The following UPK1B variants were observed in gnomAD, a reference collection of about 807,000 sequenced individuals.
UPK1B encodes the protein uroplakin-1b.
A neutral mutation model predicts 34.2 loss-of-function variants in UPK1B; 28 were observed. The observed-to-expected ratio is 0.82, with a 90% CI of 0.61 to 1.12. The LOEUF (loss-of-function observed/expected upper bound fraction) is 1.12, where lower values mean the gene tolerates loss of function less well. Ranked by LOEUF, UPK1B falls within the 50% of genes most tolerant of loss-of-function variation. The pLI is 0.00. For missense variants in UPK1B, 325 were observed against 320.9 expected (o/e 1.01, Z -0.10); for synonymous variants, 81 against 110.4 (o/e 0.73, Z 1.67).
chr3:119,178,041 G>C (rs1169111928), intron 1 of UPK1B, among the ~76,000 whole-genome samples: 2 of 142,420 alleles, frequency 1.4e-5, no homozygotes, highest in South Asian at 4.9e-4. Flanking sequence ...CAAAGACAGG[G>C]ACACCCTAAG....
intron 1 of UPK1B, among the ~76,000 whole-genome samples, chr3:119,182,414 C>A (rs2077993714): frequency 6.6e-6 from 1 of 152,192 alleles, no homozygotes; most frequent in South Asian, 2.1e-4. Flanking sequence ...TAAATATCCT[C>A]TGGTTATAAT....
intron 3 of UPK1B, among the ~76,000 whole-genome samples, 173 bp downstream of exon 3, chr3:119,188,148 C>T (rs1044460020): frequency 6.6e-6 from 1 of 152,068 alleles, no homozygotes; most frequent in African/African-American, 2.4e-5. Flanking sequence ...GCAAAGATGC[C>T]CTCCACTATT....
At chr3:119,196,616 TG>T (rs2078068833) in intron 6 of UPK1B, among the ~76,000 whole-genome samples, 1 of 148,932 alleles carries the variant, frequency 6.7e-6, no homozygotes, top group Non-Finnish European at 1.5e-5. Flanking sequence ...CTCGGCTCAC[TG>T]CAACCTCCAC....
At chr3:119,175,304 G>A (rs1313555625) in intron 1 of UPK1B, among the ~76,000 whole-genome samples, 4 of 151,904 alleles carry the variant, frequency 2.6e-5, no homozygotes, top group African/African-American at 4.8e-5. Context: ...TGAGATTACA[G>A]GCTTGAGCCA....
chr3:119,204,113 G>A lies in UPK1B; in HGVS notation c.*146G>A, dbSNP rs747992285. 3 of 851,842 alleles carry A rather than the reference G, an allele frequency of 3.5e-6. No homozygotes were observed. Among genetic ancestry groups the A allele is most frequent in the Non-Finnish European group, 5.5e-6 (3 of 542,016 alleles). 52.8% of individuals were successfully genotyped at this position (851,842 alleles called of 1,614,324 possible). A position where few individuals can be genotyped will look rare whatever the true frequency, so the allele number is the denominator to read the frequency against. On this transcript the variant is annotated 3_prime_UTR_variant, in exon 8 of 8. Coordinates refer to ENST00000264234, the MANE Select transcript of UPK1B (RefSeq NM_006952.4). ...AGTCAGATGGTACGGACTTCCTTTA[G>A]GATCTCAGGCTTCTGCAGTTCTCAT...
chr3:119,188,073 AG>A, intron 3 of UPK1B, 98 bp downstream of exon 3: 2 of 1,287,026 alleles, frequency 1.6e-6, no homozygotes, highest in Non-Finnish European at 1.1e-6. Context: ...GTGGGGGAGC[AG>A]GAAGTACCAG....
chr3:119,174,788 T>C (rs924972410), intron 1 of UPK1B, among the ~76,000 whole-genome samples: 1 of 152,034 alleles, frequency 6.6e-6, no homozygotes, highest in Non-Finnish European at 1.5e-5. Context: ...GGATTTTCTT[T>C]TTATTAACCT....
chr3:119,192,667 T>C (rs149305541), intron 5 of UPK1B, among the ~76,000 whole-genome samples: 19 of 152,300 alleles, frequency 1.2e-4, no homozygotes, highest in African/African-American at 4.3e-4. Flanking sequence ...TCTACATTGA[T>C]ATACACCTGT....
intron 7 of UPK1B, 69 bp from the exon 8 acceptor site, chr3:119,203,848 C>T: frequency 2.6e-6 from 4 of 1,527,694 alleles, no homozygotes; most frequent in Non-Finnish European, 3.6e-6. Context: ...CTAACATCCA[C>T]TTTTTCCAAG....
In UPK1B at chr3:119,191,012, C is replaced by A. The variant is rs1366757799; in HGVS notation, c.376C>A (p.Leu126Ile). 6.2e-7 allele frequency: 1 copy of A among 1,613,888 alleles called. No homozygotes were observed. Among genetic ancestry groups the A allele is most frequent in the Admixed American group, 1.7e-5 (1 of 60,008 alleles). The part of the protein sequence containing the change: ...FTPNLFLKQM[L>I]ERYQNNSPPN... Reference sequence around the variant, plus strand: ...ACCCAACCTCTTCCTGAAGCAGATGCTAGAGAGGTACCAAAACAACAGCCC... The same window carrying A: ...ACCCAACCTCTTCCTGAAGCAGATGATAGAGAGGTACCAAAACAACAGCCC... The change falls in exon 5 of 8, where the codon CTA becomes ATA. Residue 126 changes from leucine (L) to isoleucine (I), a missense_variant. Transcript: ENST00000264234.
intron 3 of UPK1B, among the ~76,000 whole-genome samples, chr3:119,188,775 C>G (rs4450805): frequency 0.69 from 105,562 of 152,120 alleles, 39,394 homozygotes; most frequent in Non-Finnish European, 0.84. Flanking sequence ...AACACGCCTC[C>G]AATCCCCCAC....
In UPK1B at chr3:119,187,768, C is replaced by A. The variant is rs1255527641; in HGVS notation, c.70-7C>A. The A allele has an allele frequency of 6.2e-7, 1 of 1,610,780 alleles. No individual in the cohort carries two copies. Among genetic ancestry groups the A allele is most frequent in the Non-Finnish European group, 8.5e-7 (1 of 1,178,602 alleles). Reference sequence around the variant, plus strand: ...CCTGATGGAGCCCACCTTTCATTTGCCCCCAGTGTTGCGGCATTGCCCTGA... The same window carrying A: ...CCTGATGGAGCCCACCTTTCATTTGACCCCAGTGTTGCGGCATTGCCCTGA... On this transcript the variant is annotated splice_polypyrimidine_tract_variant and splice_region_variant and intron_variant, in intron 2 of 7. Coordinates refer to ENST00000264234, the MANE Select transcript of UPK1B (RefSeq NM_006952.4).
chr3:119,181,104 T>C (rs945376995), intron 1 of UPK1B, among the ~76,000 whole-genome samples: 2 of 152,190 alleles, frequency 1.3e-5, no homozygotes, highest in Non-Finnish European at 2.9e-5. Context: ...TTCTTTCTTT[T>C]CCTTTAGCTC....
chr3:119,176,223 A>C (rs926644470), intron 1 of UPK1B: 4 of 151,776 alleles, frequency 2.6e-5, no homozygotes, highest in Non-Finnish European at 5.9e-5. Flanking sequence ...CTAAAGTTTG[A>C]GGTGTGGTTT....
intron 6 of UPK1B, among the ~76,000 whole-genome samples, chr3:119,195,223 T>G (rs2078061338): frequency 6.6e-6 from 1 of 152,242 alleles, no homozygotes; most frequent in African/African-American, 2.4e-5. Flanking sequence ...CTTGTTAATA[T>G]TCCCCAAAAG....
chr3:119,180,821 T>G (rs1208200737), intron 1 of UPK1B, among the ~76,000 whole-genome samples: 1 of 152,220 alleles, frequency 6.6e-6, no homozygotes, highest in Admixed American at 6.5e-5. Context: ...GATCTTTTCC[T>G]TTTGTAGAAA....
intron 1 of UPK1B, among the ~76,000 whole-genome samples, chr3:119,182,056 C>G (rs2077992286): frequency 1.3e-5 from 2 of 152,218 alleles, no homozygotes; most frequent in Non-Finnish European, 2.9e-5. Context: ...GTTAACTGTT[C>G]AGGAATGCTA....
At position 119,194,410 on chromosome 3, in the gene UPK1B, C is replaced by G. The variant is rs200809301; in HGVS notation, c.648+12C>G. ...TTTATCACAATCAGGTGAGTCCTCTCTCCTCCCAAGACTTCCCAGGAGGTT... is the reference window on the plus strand; with the variant it reads ...TTTATCACAATCAGGTGAGTCCTCTGTCCTCCCAAGACTTCCCAGGAGGTT... On this transcript the variant is annotated intron_variant, in intron 6 of 7. Transcript: ENST00000264234. 2.6e-4 allele frequency: 409 copies of G among 1,594,352 alleles called. 4 individuals are homozygous for G. The highest frequency in any genetic ancestry group is 3.5e-4 in the Admixed American group (20 of 57,616).
intron 7 of UPK1B, among the ~76,000 whole-genome samples, chr3:119,199,852 T>A (rs2078083768): frequency 6.6e-6 from 1 of 152,172 alleles, no homozygotes; most frequent in South Asian, 2.1e-4. Context: ...TATTGAGGAC[T>A]CCAGAAAGCT....
Sources: allele counts gnomAD v4.1 joint callset (sites outside exome capture counted in the v4.1 genomes callset), GRCh38; gene constraint gnomAD v4.1.1; transcripts MANE v1.5; gene names NCBI Gene and HGNC (gene_info 2026-07-23, HGNC 2026-07-21).